The following FAT3 variants were observed in gnomAD, a reference collection of about 807,000 sequenced individuals.
The protein encoded by FAT3 is protocadherin Fat 3.
Under a neutral mutation model 310.2 loss-of-function variants are expected in FAT3, and 95 were observed. The ratio of observed to expected loss-of-function variants is 0.31; its 90% CI spans 0.26 to 0.36. FAT3 has a LOEUF of 0.36. Among genes scored for constraint, FAT3 ranks in the 10% least tolerant of loss-of-function variants. FAT3 has a pLI of 1.00. For missense variants in FAT3, 5,408 were observed against 5,715.6 expected (o/e 0.95, Z 1.74); for synonymous variants, 2,314 against 2,192.9 (o/e 1.06, Z -1.54).
intron 3 of FAT3, among the ~76,000 whole-genome samples, chr11:92,575,784 A>G (rs753881052): frequency 1.3e-5 from 2 of 151,960 alleles, no homozygotes; most frequent in African/African-American, 4.8e-5. Flanking sequence ...TTTTTTACAA[A>G]TTGTTTTTAA....
In FAT3 at chr11:92,833,103, G is replaced by T. The variant is rs546738033; in HGVS notation, c.9871+1092G>T. ...ATTAGACGTGCTTCAGGCAAATAAA[G>T]GTCGTAATTCTAGAAAACAAGCTTG... is the stretch of plus-strand genomic sequence containing the variant. On this transcript the variant is annotated intron_variant, in intron 14 of 27. Coordinates refer to ENST00000525166, the MANE Select transcript of FAT3 (RefSeq NM_001367949.2). 1.9e-4 allele frequency among the ~76,000 whole-genome samples: 29 copies of T among 152,322 alleles called. 1 individual carries two copies. The highest frequency in any genetic ancestry group is 5.8e-4 in the African/African-American group (24 of 41,568).
intron 21 of FAT3, among the ~76,000 whole-genome samples, chr11:92,863,309 G>T (rs1330097482): frequency 6.6e-6 from 1 of 152,048 alleles, no homozygotes; most frequent in Non-Finnish European, 1.5e-5. Flanking sequence ...CCTCTTACAA[G>T]TTCCATGATT....
At chr11:92,308,553 G>C (rs1305306902) in intron 1 of FAT3, among the ~76,000 whole-genome samples, 2 of 152,224 alleles carry the variant, frequency 1.3e-5, no homozygotes, top group East Asian at 1.9e-4. Context: ...CCACAGGTTA[G>C]CTAACATGTA....
intron 3 of FAT3, among the ~76,000 whole-genome samples, chr11:92,660,166 C>T (rs748100373): frequency 1.1e-4 from 16 of 151,324 alleles, no homozygotes; most frequent in Non-Finnish European, 2.2e-4. Context: ...CATTGAATTT[C>T]TAGCAACATT....
At chr11:92,669,877 G>A (rs774355964) in intron 3 of FAT3, among the ~76,000 whole-genome samples, 3 of 152,140 alleles carry the variant, frequency 2.0e-5, no homozygotes, top group Non-Finnish European at 2.9e-5. Context: ...GAAATTAATC[G>A]CTAGACAGCT....
At chr11:92,324,560 C>T (rs1947716032) in intron 1 of FAT3, among the ~76,000 whole-genome samples, 1 of 152,056 alleles carries the variant, frequency 6.6e-6, no homozygotes, top group Admixed American at 6.6e-5. Context: ...CGTGGGACCC[C>T]AAGACAATTA....
At chr11:92,495,402 C>A (rs1285390018) in intron 2 of FAT3, among the ~76,000 whole-genome samples, 2 of 152,038 alleles carry the variant, frequency 1.3e-5, no homozygotes, top group Non-Finnish European at 2.9e-5. Context: ...AATTTGTGTA[C>A]AATGAAGTGT....
chr11:92,717,578 G>A (rs1415003870), intron 4 of FAT3, among the ~76,000 whole-genome samples: 2 of 152,220 alleles, frequency 1.3e-5, no homozygotes, highest in East Asian at 1.9e-4. Context: ...GCTGAAAAAT[G>A]TGAATGTGTT....
At chr11:92,566,431 G>T (rs1285547268) in intron 3 of FAT3, among the ~76,000 whole-genome samples, 3 of 151,932 alleles carry the variant, frequency 2.0e-5, no homozygotes, top group African/African-American at 7.3e-5. Flanking sequence ...TGGGTAGGAA[G>T]AATCAATATC....
At chr11:92,267,756 A>G (rs1591030375) in intron 1 of FAT3, among the ~76,000 whole-genome samples, 1 of 152,184 alleles carries the variant, frequency 6.6e-6, no homozygotes, top group Non-Finnish European at 1.5e-5. Flanking sequence ...GTTATTGCTT[A>G]TCATTATTTA....
intron 2 of FAT3, among the ~76,000 whole-genome samples, chr11:92,448,040 C>A (rs375921486): frequency 1.2e-4 from 18 of 152,230 alleles, no homozygotes; most frequent in African/African-American, 4.3e-4. Context: ...GGCCGGGACA[C>A]TGATGGCTCA....
intron 4 of FAT3, among the ~76,000 whole-genome samples, chr11:92,747,817 C>CA (rs1473501649): frequency 1.3e-5 from 2 of 152,166 alleles, no homozygotes; most frequent in African/African-American, 4.8e-5. Context: ...CTCCAGTTTC[C>CA]AAAAAGTCCC....
intron 2 of FAT3, among the ~76,000 whole-genome samples, chr11:92,368,039 A>G (rs138425382): frequency 6.6e-6 from 1 of 152,252 alleles, no homozygotes; most frequent in Admixed American, 6.5e-5. Flanking sequence ...TTGAAAGTCA[A>G]CAAATATGAC....
chr11:92,576,283 G>C (rs592399), intron 3 of FAT3, among the ~76,000 whole-genome samples: 1 of 151,640 alleles, frequency 6.6e-6, no homozygotes, highest in African/African-American at 2.4e-5. Flanking sequence ...TAGTTACTTC[G>C]TTGGGTTTTA....
At chr11:92,522,739 G>T (rs1953728049) in intron 2 of FAT3, among the ~76,000 whole-genome samples, 1 of 152,102 alleles carries the variant, frequency 6.6e-6, no homozygotes, top group Non-Finnish European at 1.5e-5. Context: ...CTGTCTTTGT[G>T]TCCTATAGTT....
chr11:92,431,767 ATTGCTTG>A, intron 2 of FAT3, among the ~76,000 whole-genome samples: 1 of 152,188 alleles, frequency 6.6e-6, no homozygotes, highest in East Asian at 1.9e-4. Context: ...TCCTTTCCCC[ATTGCTTG>A]TTTTTTTCAG....
intron 3 of FAT3, among the ~76,000 whole-genome samples, chr11:92,541,599 C>T (rs1470022217): frequency 1.3e-5 from 2 of 152,050 alleles, no homozygotes; most frequent in African/African-American, 4.8e-5. Flanking sequence ...TCTTTTTAAA[C>T]TGGTTTACCC....
intron 3 of FAT3, among the ~76,000 whole-genome samples, chr11:92,585,852 A>G (rs1247698157): frequency 6.6e-6 from 1 of 150,642 alleles, no homozygotes; most frequent in Non-Finnish European, 1.5e-5. Context: ...CATTAAAGGC[A>G]TGGTACTTAT....
At chr11:92,396,546 TC>T (rs1168112512) in intron 2 of FAT3, among the ~76,000 whole-genome samples, 2 of 152,140 alleles carry the variant, frequency 1.3e-5, no homozygotes, top group Non-Finnish European at 2.9e-5. Context: ...CAGTGGCCTC[TC>T]CTGGCCCATT....
Sources: gnomAD v4.1 joint callset for allele counts (sites outside exome capture counted in the v4.1 genomes callset) on GRCh38, gnomAD v4.1.1 for gene constraint, MANE v1.5 for transcripts, NCBI Gene and HGNC (gene_info 2026-07-23, HGNC 2026-07-21) for gene names.